The following MTOR variants were observed in gnomAD, a reference collection of about 807,000 sequenced individuals.
The protein encoded by MTOR is mechanistic target of rapamycin kinase, also known as serine/threonine-protein kinase mTOR.
MTOR carries 70 observed loss-of-function variants against 319.8 expected under a neutral mutation model. The ratio of observed to expected loss-of-function variants is 0.22; its 90% CI spans 0.18 to 0.27. The LOEUF is 0.27. MTOR is among the 10% of genes least tolerant of loss of function. The pLI, the probability that MTOR is intolerant of heterozygous loss-of-function variation, is 1.00. For missense variants in MTOR, 1,890 were observed against 3,274.4 expected, an observed-to-expected ratio of 0.58 and a Z score of 10.32; for synonymous variants, 1,183 against 1,211.4, an observed-to-expected ratio of 0.98 and a Z score of 0.49.
At chr1:11,180,265 G>A (rs925059951) in intron 28 of MTOR, among the ~76,000 whole-genome samples, 1 of 152,098 alleles carries the variant, frequency 6.6e-6, no homozygotes. Context: ...TTTTCTTCCA[G>A]CAGAGGTACA....
At chr1:11,218,538 GC>G (rs1228442216) in intron 19 of MTOR, among the ~76,000 whole-genome samples, 1 of 152,132 alleles carries the variant, frequency 6.6e-6, no homozygotes, top group Non-Finnish European at 1.5e-5. Flanking sequence ...GAAAACCTAA[GC>G]TGGAGGAAAA....
intron 29 of MTOR, among the ~76,000 whole-genome samples, chr1:11,158,876 C>A (rs529239788): frequency 1.3e-5 from 2 of 152,252 alleles, no homozygotes; most frequent in Admixed American, 6.5e-5. Flanking sequence ...AGCAATGAAT[C>A]ACACAAAATT....
Position 11,112,835 on chromosome 1 carries a change from C to T in MTOR, c.7366+17G>A. 1 of 1,614,166 alleles carries T rather than the reference C, an allele frequency of 6.2e-7. No homozygotes were observed. The highest frequency in any genetic ancestry group is 1.1e-5 in the South Asian group (1 of 91,078). On this transcript the variant is annotated intron_variant, in intron 54 of 57. Coordinates refer to ENST00000361445, the MANE Select transcript of MTOR (RefSeq NM_004958.4). ...ACAAGGGGGAGAGCCTTTGCGACCT[C>T]CCGTGGATGCACCTACCGACTGACT...
intron 9 of MTOR, among the ~76,000 whole-genome samples, chr1:11,242,145 C>A (rs1270220829): frequency 6.6e-6 from 1 of 152,108 alleles, no homozygotes; most frequent in African/African-American, 2.4e-5. Context: ...GGGTGGATCA[C>A]CTGAGGTCAG....
chr1:11,109,357 C>T lies in MTOR; in HGVS notation c.7461G>A (p.Leu2487=). The part of the protein sequence containing the change: ...ESIHSFIGDG[L]VKPEALNKKA... ...TCTTATTTAGGGCCTCTGGTTTCAC[C>T]AAACCGTCTCCAACTGGAATACACA... Residue 2487 remains leucine, a synonymous_variant, in exon 56 of 58, where the codon TTG becomes TTA. Coordinates refer to ENST00000361445, the MANE Select transcript of MTOR (RefSeq NM_004958.4). The surrounding 1 kb of genome is among the most constrained non-coding windows in gnomAD (Gnocchi z 4.0). The T allele has an allele frequency of 6.2e-7, 1 of 1,614,126 alleles. No individual in the cohort carries two copies. Among genetic ancestry groups the T allele is most frequent in the South Asian group, 1.1e-5 (1 of 91,084 alleles).
At chr1:11,153,889 C>T (rs951419991) in intron 30 of MTOR, among the ~76,000 whole-genome samples, 1 of 151,296 alleles carries the variant, frequency 6.6e-6, no homozygotes, top group African/African-American at 2.4e-5. Context: ...GCCAACATGG[C>T]GAAACCCCAT....
rs1186740015 is a variant in MTOR at position 11,257,544 on chromosome 1, CAG to C, written c.272-381_272-380del. Among the ~76,000 whole-genome samples the C allele has an allele frequency of 3.4e-5, 4 of 116,168 alleles. No homozygotes were observed. The Admixed American group carries it at 3.5e-4, about 10-fold the overall frequency. The allele number at this position is 116,168 out of a possible 152,430, so 76.2% of individuals were successfully genotyped here. A position where few individuals can be genotyped will look rare whatever the true frequency, so the allele number is the denominator to read the frequency against. Reference sequence around the variant, plus strand: ...CACCATTGCACTCCAGCCTGGGCGACAGAGTGAGACTCTGTCTCAGAGAAAAA... The same window carrying C: ...CACCATTGCACTCCAGCCTGGGCGACAGTGAGACTCTGTCTCAGAGAAAAA... On this transcript the variant is annotated intron_variant, in intron 3 of 57. Coordinates refer to ENST00000361445, the MANE Select transcript of MTOR (RefSeq NM_004958.4).
chr1:11,180,523 C>G (rs879576373), intron 28 of MTOR, among the ~76,000 whole-genome samples: 2 of 152,142 alleles, frequency 1.3e-5, no homozygotes, highest in Non-Finnish European at 2.9e-5. Context: ...AATGACCAGG[C>G]CTGTTTTCCA....
intron 25 of MTOR, 78 bp from the exon 26 acceptor site, chr1:11,204,781 T>C: frequency 7.0e-7 from 1 of 1,438,406 alleles, no homozygotes; most frequent in Non-Finnish European, 9.4e-7. Flanking sequence ...ATTTAATGAT[T>C]ATTCTACTTT....
intron 30 of MTOR, among the ~76,000 whole-genome samples, chr1:11,152,774 A>G (rs997287322): frequency 3.3e-5 from 5 of 152,348 alleles, no homozygotes; most frequent in South Asian, 4.1e-4. Context: ...TACGCACACA[A>G]AAGAAATTTA....
intron 6 of MTOR, among the ~76,000 whole-genome samples, chr1:11,252,140 A>G (rs1008222562): frequency 6.6e-6 from 1 of 152,152 alleles, no homozygotes; most frequent in Non-Finnish European, 1.5e-5. Flanking sequence ...CATATAACCT[A>G]TGTATAGCTT....
At chr1:11,256,904 T>G (rs1650475241) in intron 4 of MTOR, 29 bp downstream of exon 4, 1 of 1,601,518 alleles carries the variant, frequency 6.2e-7, no homozygotes, top group African/African-American at 1.3e-5. Context: ...TCCCCAAGCC[T>G]GGCTGTGCTC....
intron 28 of MTOR, among the ~76,000 whole-genome samples, chr1:11,172,614 T>TA (rs1644854521): frequency 6.8e-6 from 1 of 146,764 alleles, no homozygotes; most frequent in East Asian, 2.0e-4. Context: ...CTCACGCCTA[T>TA]AACCCCAGCA....
At chr1:11,207,696 T>C (rs1445305334) in intron 25 of MTOR, among the ~76,000 whole-genome samples, 1 of 151,586 alleles carries the variant, frequency 6.6e-6, no homozygotes, top group Non-Finnish European at 1.5e-5. Context: ...GGTGTTTTAC[T>C]ATGTTGCCCA....
Position 11,210,840 on chromosome 1 carries a change from C to T in MTOR, c.3628G>A (p.Asp1210Asn), listed in dbSNP as rs753162263. ...VRHRINHQRY[D>N]VLICRIVKGY... ...TTGACAATTCTGCAGATGAGCACATCATAGCGCTGATGATTGATTCGGTGT... is the reference window on the plus strand; with the variant it reads ...TTGACAATTCTGCAGATGAGCACATTATAGCGCTGATGATTGATTCGGTGT... The change falls in exon 24 of 58, where the codon GAT becomes AAT. Residue 1210 changes from aspartate (D) to asparagine (N), a missense_variant. By Grantham distance (23) the Asp-to-Asn change is conservative. Coordinates refer to ENST00000361445, the MANE Select transcript of MTOR (RefSeq NM_004958.4). 2.0e-5 allele frequency: 33 copies of T among 1,613,610 alleles called. No homozygotes were observed. The highest frequency in any genetic ancestry group is 4.2e-6 in the Non-Finnish European group (5 of 1,179,838).
intron 29 of MTOR, among the ~76,000 whole-genome samples, chr1:11,157,800 T>C (rs1644363047): frequency 6.6e-6 from 1 of 152,214 alleles, no homozygotes; most frequent in Admixed American, 6.5e-5. Context: ...AACAACTCAC[T>C]TTTTAAAACC....
intron 46 of MTOR, 41 bp from the exon 47 acceptor site, chr1:11,124,674 C>T (rs1214945827): frequency 6.3e-7 from 1 of 1,578,262 alleles, no homozygotes; most frequent in Admixed American, 1.7e-5. Context: ...CATCAGAGGT[C>T]CTCAGCTCTT....
At chr1:11,256,331 G>C in intron 4 of MTOR, 139 bp from the exon 5 acceptor site, 4 of 1,445,136 alleles carry the variant, frequency 2.8e-6, no homozygotes, top group Non-Finnish European at 3.6e-6. Context: ...GAAATTCTGA[G>C]GACAGAGGAA....
chr1:11,126,275 G>A (rs566716131), intron 46 of MTOR, among the ~76,000 whole-genome samples: 12 of 149,534 alleles, frequency 8.0e-5, no homozygotes, highest in African/African-American at 2.7e-4. Context: ...AGAAGCCCCC[G>A]TTTCAGAGGA....
Sources: gnomAD v4.1 joint callset for allele counts (sites outside exome capture counted in the v4.1 genomes callset) on GRCh38, gnomAD v4.1.1 for gene constraint, Gnocchi (gnomAD v3.1) non-coding constraint, MANE v1.5 for transcripts, NCBI Gene and HGNC (gene_info 2026-07-23, HGNC 2026-07-21) for gene names.